DLG2: variants seen among roughly 807,000 people sequenced by gnomAD.
DLG2 encodes the protein discs large MAGUK scaffold protein 2.
In DLG2, 45 loss-of-function variants were observed where a neutral mutation model predicts 132.5. The ratio of observed to expected loss-of-function variants is 0.34; its 90% confidence interval spans 0.27 to 0.44. The LOEUF (loss-of-function observed/expected upper bound fraction) is 0.44. DLG2 is among the 20% of genes least tolerant of loss of function. The probability of loss-of-function intolerance (pLI) is 1.00; values close to 1 mark genes in which losing one functional copy is unlikely to be tolerated. For synonymous variants in DLG2, 424 were observed against 419.6 expected, an observed-to-expected ratio of 1.01 and a Z score of -0.13; for missense variants, 1,045 against 1,196.9, an observed-to-expected ratio of 0.87 and a Z score of 1.87.
chr11:85,324,728 C>A (rs1034487431), intron 3 of DLG2, among the ~76,000 whole-genome samples: 1 of 149,828 alleles, frequency 6.7e-6, no homozygotes, highest in African/African-American at 2.4e-5. Flanking sequence ...GACTGAAAAA[C>A]GGTGTGCTTA....
chr11:84,522,403 T>C (rs2099306268), intron 7 of DLG2, among the ~76,000 whole-genome samples: 1 of 152,146 alleles, frequency 6.6e-6, no homozygotes, highest in Non-Finnish European at 1.5e-5. Context: ...GGTGGGGAGT[T>C]GTTCTGTTCT....
intron 14 of DLG2, among the ~76,000 whole-genome samples, chr11:83,942,882 G>T (rs2082981097): frequency 6.6e-6 from 1 of 152,190 alleles, no homozygotes; most frequent in Admixed American, 6.5e-5. Context: ...ATATGGTTTG[G>T]CTGTGTCCCC....
chr11:84,650,566 A>G (rs769521137), intron 6 of DLG2, among the ~76,000 whole-genome samples: 2 of 152,134 alleles, frequency 1.3e-5, no homozygotes, highest in African/African-American at 4.8e-5. Context: ...TACACTGATG[A>G]AGTGACAGAC....
chr11:84,469,828 G>C (rs74673553), intron 7 of DLG2, among the ~76,000 whole-genome samples: 3 of 151,642 alleles, frequency 2.0e-5, no homozygotes, highest in Non-Finnish European at 4.4e-5. Flanking sequence ...ATGAAATAGA[G>C]TCATGGGTTG....
intron 9 of DLG2, among the ~76,000 whole-genome samples, chr11:84,121,693 C>A (rs1043412699): frequency 6.6e-6 from 1 of 151,362 alleles, no homozygotes; most frequent in Non-Finnish European, 1.5e-5. Context: ...TCCTGAGTAG[C>A]TGGGACTACA....
chr11:83,935,824 A>T (rs1032661100), intron 14 of DLG2, among the ~76,000 whole-genome samples: 1 of 152,252 alleles, frequency 6.6e-6, no homozygotes, highest in Non-Finnish European at 1.5e-5. Flanking sequence ...AAGTACAAGC[A>T]AACCAAACTA....
rs372366026 is a variant in DLG2, at chr11:85,251,035, G to A, written c.186+34185C>T. The stretch of plus-strand genomic sequence containing the variant: ...TTTAATCTTAGTAGGATTTATTTAC[G>A]AAATCCATAGCTACTTCTATCAACA... On this transcript the variant is annotated intron_variant, in intron 4 of 27. Transcript: ENST00000376104. Among the ~76,000 whole-genome samples, 50 of 152,234 alleles carry A rather than the reference G, an allele frequency of 3.3e-4. No homozygotes were observed. In the East Asian group the frequency reaches 7.3e-3, roughly 22 times the overall value.
intron 7 of DLG2, among the ~76,000 whole-genome samples, chr11:84,459,712 T>C (rs932124453): frequency 4.0e-5 from 6 of 150,758 alleles, no homozygotes; most frequent in Non-Finnish European, 7.5e-5. Flanking sequence ...GTGTTTTCTG[T>C]TAGTGTTATA....
At chr11:85,115,677 G>T (rs561398782) in intron 5 of DLG2, among the ~76,000 whole-genome samples, 1 of 151,918 alleles carries the variant, frequency 6.6e-6, no homozygotes, top group Non-Finnish European at 1.5e-5. Context: ...AGACACTTCA[G>T]GTTTCCAACA....
At chr11:84,425,276 A>C (rs538398008) in intron 7 of DLG2, among the ~76,000 whole-genome samples, 1 of 152,220 alleles carries the variant, frequency 6.6e-6, no homozygotes, top group East Asian at 1.9e-4. Flanking sequence ...AGAAGATATG[A>C]CTTTCAAATT....
intron 9 of DLG2, among the ~76,000 whole-genome samples, chr11:84,117,301 C>T (rs141912995): frequency 6.6e-6 from 1 of 152,192 alleles, no homozygotes; most frequent in African/African-American, 2.4e-5. Context: ...CTGGTTGTCT[C>T]TGATCTATCC....
intron 20 of DLG2, among the ~76,000 whole-genome samples, chr11:83,538,454 G>A (rs1409850466): frequency 6.6e-6 from 1 of 152,180 alleles, no homozygotes; most frequent in Non-Finnish European, 1.5e-5. Flanking sequence ...TGTAATTTTG[G>A]CAAGCTACTT....
At chr11:83,484,853 A>G (rs2093402605) in intron 21 of DLG2, among the ~76,000 whole-genome samples, 1 of 152,182 alleles carries the variant, frequency 6.6e-6, no homozygotes, top group South Asian at 2.1e-4. Context: ...TGACACATGA[A>G]TATATAATCA....
chr11:84,706,268 A>G (rs761964147), intron 6 of DLG2, among the ~76,000 whole-genome samples: 3 of 151,868 alleles, frequency 2.0e-5, no homozygotes, highest in Non-Finnish European at 4.4e-5. Flanking sequence ...TGATTAAATA[A>G]TAGCACAAGG....
At chr11:85,425,655 G>A (rs2090658687) in intron 3 of DLG2, among the ~76,000 whole-genome samples, 1 of 152,010 alleles carries the variant, frequency 6.6e-6, no homozygotes, top group African/African-American at 2.4e-5. Flanking sequence ...AAAAATCGGG[G>A]GTGGAGGCAA....
chr11:84,214,443 G>C (rs1190520766), intron 8 of DLG2, among the ~76,000 whole-genome samples: 2 of 151,074 alleles, frequency 1.3e-5, no homozygotes. Flanking sequence ...GTTTATATAT[G>C]TATAAACATA....
chr11:84,325,519 T>C (rs942655091), intron 7 of DLG2, among the ~76,000 whole-genome samples: 1 of 152,216 alleles, frequency 6.6e-6, no homozygotes. Flanking sequence ...GCATTATTTT[T>C]ATATTTCATT....
At chr11:84,609,792 A>G (rs61898993) in intron 6 of DLG2, among the ~76,000 whole-genome samples, 90 of 152,204 alleles carry the variant, frequency 5.9e-4, no homozygotes, top group Non-Finnish European at 1.1e-3. Context: ...CCAACATAAA[A>G]TGACACATGG....
At chr11:85,093,361 C>T (rs2069147124) in intron 6 of DLG2, among the ~76,000 whole-genome samples, 1 of 151,892 alleles carries the variant, frequency 6.6e-6, no homozygotes, top group Non-Finnish European at 1.5e-5. Flanking sequence ...TCTTCAAAAA[C>T]ACTTGAAACA....
Sources: allele counts gnomAD v4.1 joint callset (sites outside exome capture counted in the v4.1 genomes callset), GRCh38; gene constraint gnomAD v4.1.1; transcripts MANE v1.5; gene names NCBI Gene and HGNC (gene_info 2026-07-23, HGNC 2026-07-21).